PKIB: variants seen among roughly 807,000 people sequenced by gnomAD.
PKIB encodes the protein cAMP-dependent protein kinase inhibitor beta, also known as PKI-beta.
A neutral mutation model predicts 4.5 loss-of-function variants in PKIB; 2 were observed. That is an observed-to-expected ratio of 0.44 (90% CI 0.18 to 1.39). The LOEUF (loss-of-function observed/expected upper bound fraction) is 1.39, where lower values mean the gene tolerates loss of function less well. Among genes scored for constraint, PKIB ranks in the 40% most tolerant of loss-of-function variants. The probability of loss-of-function intolerance (pLI) is 0.27; values close to 1 mark genes in which losing one functional copy is unlikely to be tolerated. For synonymous variants in PKIB, 38 were observed against 36.0 expected (o/e 1.06, Z -0.20); for missense variants, 94 against 92.6 (o/e 1.02, Z -0.06).
At chr6:122,496,292 TGAAA>T (rs1398670299) in intron 2 of PKIB, among the ~76,000 whole-genome samples, 2 of 152,190 alleles carry the variant, frequency 1.3e-5, no homozygotes, top group Non-Finnish European at 2.9e-5. Flanking sequence ...TCTCCAGATT[TGAAA>T]GAACTAGTAT....
Position 122,527,710 on chromosome 6 carries a change from T to C in PKIB, c.-248+49771T>C, listed in dbSNP as rs141228494. Reference sequence around the variant, plus strand: ...ACAGATCACCCTACAGATATAATAATAATGATGATAAAGGTTGAAATATTG... The same window carrying C: ...ACAGATCACCCTACAGATATAATAACAATGATGATAAAGGTTGAAATATTG... On this transcript the variant is annotated intron_variant, in intron 2 of 6. Transcript: ENST00000392491. Among the ~76,000 whole-genome samples, 63 of 152,250 alleles carry C rather than the reference T, an allele frequency of 4.1e-4. 1 individual carries two copies. Among genetic ancestry groups the C allele is most frequent in the South Asian group, 1.5e-3 (7 of 4,822 alleles).
intron 2 of PKIB, among the ~76,000 whole-genome samples, chr6:122,496,086 A>G (rs1013974150): frequency 6.6e-6 from 1 of 152,126 alleles, no homozygotes; most frequent in Non-Finnish European, 1.5e-5. Flanking sequence ...CCAGTCCTTC[A>G]CCCAAGACAA....
chr6:122,490,381 A>G (rs1775904877), intron 2 of PKIB, among the ~76,000 whole-genome samples: 1 of 152,208 alleles, frequency 6.6e-6, no homozygotes, highest in Non-Finnish European at 1.5e-5. Context: ...AGGGAGGGAA[A>G]GAAAACAGTA....
chr6:122,491,299 G>A (rs1775928292), intron 2 of PKIB, among the ~76,000 whole-genome samples: 1 of 152,192 alleles, frequency 6.6e-6, no homozygotes, highest in Non-Finnish European at 1.5e-5. Context: ...CTCTTTACCA[G>A]TGGAATGCTT....
At chr6:122,496,539 A>G (rs1776081301) in intron 2 of PKIB, among the ~76,000 whole-genome samples, 1 of 152,238 alleles carries the variant, frequency 6.6e-6, no homozygotes, top group African/African-American at 2.4e-5. Context: ...AAAGAAATCA[A>G]TCAGAGCTCC....
intron 3 of PKIB, among the ~76,000 whole-genome samples, chr6:122,678,529 T>C (rs1165011996): frequency 6.6e-6 from 1 of 152,214 alleles, no homozygotes; most frequent in Admixed American, 6.5e-5. Context: ...TGTTTTTTTG[T>C]GGCACATCTT....
chr6:122,589,785 A>G (rs1353963547), intron 3 of PKIB, among the ~76,000 whole-genome samples: 1 of 152,152 alleles, frequency 6.6e-6, no homozygotes, highest in Non-Finnish European at 1.5e-5. Context: ...ATAACAAAGA[A>G]TAAGGGGGCA....
chr6:122,596,925 C>T (rs1294402478), intron 3 of PKIB, among the ~76,000 whole-genome samples: 5 of 152,170 alleles, frequency 3.3e-5, no homozygotes, highest in Admixed American at 1.3e-4. Flanking sequence ...TGGAGTAATA[C>T]ACCCAAATGA....
intron 1 of PKIB, among the ~76,000 whole-genome samples, chr6:122,628,374 A>G (rs1290567048): frequency 6.6e-6 from 1 of 152,200 alleles, no homozygotes; most frequent in Non-Finnish European, 1.5e-5. Flanking sequence ...AACATTTGCC[A>G]TGTCTTATGA....
intron 3 of PKIB, among the ~76,000 whole-genome samples, chr6:122,708,643 C>G (rs1189246633): frequency 6.6e-6 from 1 of 152,062 alleles, no homozygotes; most frequent in Admixed American, 6.6e-5. Flanking sequence ...GAGTTAATCT[C>G]TTTTTCTTGA....
intron 2 of PKIB, among the ~76,000 whole-genome samples, chr6:122,571,740 T>G (rs770147607): frequency 3.3e-5 from 5 of 152,176 alleles, no homozygotes; most frequent in Non-Finnish European, 4.4e-5. Flanking sequence ...TGGAGTTCCA[T>G]ATCTTGAAAC....
rs374264613 is a variant in PKIB, at chr6:122,509,409, A to G, written c.-248+31470A>G. ...AGTGCCATAAAGTTTAACAATTTGT[A>G]TATGAGCCTGTCCAATTAAAATTGT... On this transcript the variant is annotated intron_variant, in intron 2 of 6. Transcript: ENST00000392491. Among the ~76,000 whole-genome samples, 40 of 151,942 alleles carry G rather than the reference A, an allele frequency of 2.6e-4. No homozygotes were observed. In the East Asian group the frequency reaches 3.3e-3, roughly 13 times the overall value.
chr6:122,590,090 GGTAAA>G lies in PKIB; in HGVS notation c.-161+4087_-161+4091del, dbSNP rs768869160. On this transcript the variant is annotated intron_variant, in intron 3 of 6. Transcript: ENST00000392491. ...TTTAAATACACACTTTTGGGAAAAC[GGTAAA>G]GTATTCAGAAATGCCAAATTATTGG... 2.6e-5 allele frequency among the ~76,000 whole-genome samples: 4 copies of G among 152,082 alleles called. No individual in the cohort carries two copies. The East Asian group carries it at 5.8e-4, about 22-fold the overall frequency.
intron 2 of PKIB, among the ~76,000 whole-genome samples, chr6:122,574,160 CT>C (rs1392158020): frequency 6.6e-6 from 1 of 152,182 alleles, no homozygotes; most frequent in Non-Finnish European, 1.5e-5. Flanking sequence ...AACTCAATCC[CT>C]TTTGCAACAG....
chr6:122,511,525 G>C (rs563259039), intron 2 of PKIB, among the ~76,000 whole-genome samples: 18 of 152,160 alleles, frequency 1.2e-4, no homozygotes, highest in African/African-American at 4.3e-4. Flanking sequence ...GATTCTTTTG[G>C]GTCCCATGTT....
chr6:122,664,380 T>A (rs980342810), intron 2 of PKIB, among the ~76,000 whole-genome samples: 30 of 152,224 alleles, frequency 2.0e-4, no homozygotes, highest in African/African-American at 6.5e-4. Flanking sequence ...AGGAAGGAGA[T>A]AATTTTGACA....
intron 1 of PKIB, among the ~76,000 whole-genome samples, chr6:122,617,164 TACCGTATGCACTACCTA>T (rs1209698594): frequency 2.8e-4 from 43 of 152,300 alleles, no homozygotes; most frequent in African/African-American, 9.9e-4. Flanking sequence ...GTATTGCATC[TACCGTATGCACTACCTA>T]ATGTGGTCAA....
rs1779928588 is a variant in PKIB at position 122,725,708 on chromosome 6, C to G, written c.*513C>G. The G allele has an allele frequency of 6.6e-6, 1 of 152,156 alleles. No homozygotes were observed. The highest frequency in any genetic ancestry group is 1.5e-5 in the Non-Finnish European group (1 of 68,046). The allele number at this position is 152,156 out of a possible 1,614,324, so 9.4% of individuals were successfully genotyped here. A position where few individuals can be genotyped will look rare whatever the true frequency, so the allele number is the denominator to read the frequency against. The stretch of plus-strand genomic sequence containing the variant: ...AAATGCCCCAGACTTTTTCCCAAAC[C>G]TCAAAAACGTCTTGGAAAAATTGTA... On this transcript the variant is annotated 3_prime_UTR_variant, in exon 5 of 5. Transcript: ENST00000368452.
intron 3 of PKIB, among the ~76,000 whole-genome samples, chr6:122,704,104 C>G (rs1163537371): frequency 6.6e-6 from 1 of 151,820 alleles, no homozygotes; most frequent in African/African-American, 2.4e-5. Context: ...ATTGTCGGTT[C>G]CAGGCCAAGT....
Sources: allele counts gnomAD v4.1 joint callset (sites outside exome capture counted in the v4.1 genomes callset), GRCh38; gene constraint gnomAD v4.1.1; transcripts MANE v1.5; gene names NCBI Gene and HGNC (gene_info 2026-07-23, HGNC 2026-07-21).